The following ACSBG1 variants were observed in gnomAD, a reference collection of about 807,000 sequenced individuals.
ACSBG1 encodes acyl-CoA synthetase bubblegum family member 1.
ACSBG1 carries 39 observed loss-of-function variants against 80.2 expected under a neutral mutation model. The ratio of observed to expected loss-of-function variants is 0.49; its 90% CI spans 0.38 to 0.64. ACSBG1 has a LOEUF of 0.64. Ranked by LOEUF, ACSBG1 falls within the 30% of genes least tolerant of loss-of-function variation. ACSBG1 has a pLI of 0.00. For missense variants in ACSBG1, 828 were observed against 966.4 expected (o/e 0.86, Z 1.90); for synonymous variants, 392 against 379.5 (o/e 1.03, Z -0.38).
intron 5 of ACSBG1, among the ~76,000 whole-genome samples, chr15:78,183,646 G>A (rs1479916542): frequency 6.6e-6 from 1 of 152,194 alleles, no homozygotes; most frequent in Non-Finnish European, 1.5e-5. Context: ...CGGGAATAAA[G>A]GGAAGAAGAA....
At chr15:78,194,821 T>C (rs2075098261) in intron 2 of ACSBG1, 95 bp from the exon 3 acceptor site, 2 of 1,299,914 alleles carry the variant, frequency 1.5e-6, no homozygotes, top group African/African-American at 1.5e-5. Flanking sequence ...GTGCTGACAA[T>C]GCCTTGGGTC....
chr15:78,194,798 C>A, intron 2 of ACSBG1, 72 bp from the exon 3 acceptor site: 1 of 1,482,374 alleles, frequency 6.7e-7, no homozygotes, highest in South Asian at 1.2e-5. Context: ...GGGCAGAGCT[C>A]GCAGCCCGTC....
At chr15:78,231,181 C>A (rs936996317) in intron 1 of ACSBG1, among the ~76,000 whole-genome samples, 1 of 152,088 alleles carries the variant, frequency 6.6e-6, no homozygotes, top group Admixed American at 6.5e-5. Flanking sequence ...AGTGCAATGG[C>A]ACGATCTCAG....
intron 10 of ACSBG1, chr15:78,179,101 T>C (rs555430541): frequency 3.9e-6 from 2 of 508,618 alleles, no homozygotes; most frequent in African/African-American, 1.9e-5. Context: ...TATTTAATCA[T>C]AATAGATGAT....
chr15:78,234,287 C>A, intron 1 of ACSBG1, 84 bp downstream of exon 1: 1 of 1,528,800 alleles, frequency 6.5e-7, no homozygotes. Context: ...GAGAGAGAAG[C>A]AGCTTGCCCA....
At chr15:78,233,710 G>A (rs569727934) in intron 1 of ACSBG1, among the ~76,000 whole-genome samples, 29 of 152,180 alleles carry the variant, frequency 1.9e-4, no homozygotes, top group Non-Finnish European at 3.7e-4. Context: ...GTGCGCGTGC[G>A]CCTGCCTTCT....
At chr15:78,221,050 C>T (rs1334158232) in intron 1 of ACSBG1, among the ~76,000 whole-genome samples, 1 of 152,164 alleles carries the variant, frequency 6.6e-6, no homozygotes, top group Non-Finnish European at 1.5e-5. Context: ...TTAAAACAAC[C>T]CTGAAGGGGG....
intron 1 of ACSBG1, among the ~76,000 whole-genome samples, chr15:78,223,091 G>C (rs1005588939): frequency 2.6e-5 from 4 of 152,168 alleles, no homozygotes; most frequent in Admixed American, 2.6e-4. Context: ...TGGCTTCTAA[G>C]GCTAAGTCAA....
At chr15:78,213,648 C>A (rs1484302553) in intron 1 of ACSBG1, 3 of 152,248 alleles carry the variant, frequency 2.0e-5, no homozygotes, top group Admixed American at 2.0e-4. Flanking sequence ...TGGCACGGGA[C>A]CCAGTTGCCC....
Position 78,234,468 on chromosome 15 carries a change from G to A in ACSBG1, c.34C>T (p.Pro12Ser), listed in dbSNP as rs1423226430. ...TCCAGCATGCTGGGGTCCCCGTGTG[G>A]GCAGCCGTATCCAGCTCCAGAATTG... ...PRNSGAGYGC[P>S]HGDPSMLDSR... Residue 12 changes from proline (P) to serine (S), a missense_variant, in exon 1 of 14, where the codon CCA becomes TCA. Coordinates refer to ENST00000258873, the MANE Select transcript of ACSBG1 (RefSeq NM_015162.5). 1.2e-6 allele frequency: 2 copies of A among 1,612,420 alleles called. No homozygotes were observed. The highest frequency in any genetic ancestry group is 8.5e-7 in the Non-Finnish European group (1 of 1,180,008).
At chr15:78,218,018 A>G (rs966924474) in intron 1 of ACSBG1, among the ~76,000 whole-genome samples, 5 of 152,192 alleles carry the variant, frequency 3.3e-5, no homozygotes, top group African/African-American at 1.2e-4. Context: ...ACATAATTTC[A>G]GCCCAAAGCA....
intron 1 of ACSBG1, among the ~76,000 whole-genome samples, chr15:78,219,836 T>C (rs572563453): frequency 6.6e-6 from 1 of 152,154 alleles, no homozygotes; most frequent in South Asian, 2.1e-4. Flanking sequence ...TACAAAAAAT[T>C]AGCTGGGCGT....
chr15:78,226,085 A>G (rs181957724), intron 1 of ACSBG1, among the ~76,000 whole-genome samples: 23 of 152,366 alleles, frequency 1.5e-4, no homozygotes, highest in African/African-American at 5.5e-4. Flanking sequence ...TCAAAATGAA[A>G]GACACGGTAT....
chr15:78,226,128 T>C (rs1345465508), intron 1 of ACSBG1, among the ~76,000 whole-genome samples: 1 of 152,208 alleles, frequency 6.6e-6, no homozygotes, highest in African/African-American at 2.4e-5. Flanking sequence ...TGAAATCCCA[T>C]CACTTTTTGT....
intron 1 of ACSBG1, among the ~76,000 whole-genome samples, chr15:78,227,707 T>A (rs2075415517): frequency 6.6e-6 from 1 of 152,176 alleles, no homozygotes; most frequent in Non-Finnish European, 1.5e-5. Flanking sequence ...GCTTTACTCA[T>A]AAAATCCTCA....
At chr15:78,233,652 G>A (rs11634386) in intron 1 of ACSBG1, among the ~76,000 whole-genome samples, 30,305 of 152,104 alleles carry the variant, frequency 0.2, 3,143 homozygotes, top group Middle Eastern at 0.26. Context: ...CGCCCCTCCT[G>A]GACACAAATC....
intron 1 of ACSBG1, among the ~76,000 whole-genome samples, chr15:78,215,577 A>ACCTGGGAGGCAGAGGTT (rs1200198548): frequency 3.4e-4 from 51 of 151,918 alleles, no homozygotes; most frequent in Admixed American, 3.3e-3. Flanking sequence ...AATTGCTTGA[A>ACCTGGGAGGCAGAGGTT]CCTGGGAGGC....
chr15:78,211,948 G>C (rs1418346400), intron 1 of ACSBG1, among the ~76,000 whole-genome samples: 2 of 152,164 alleles, frequency 1.3e-5, no homozygotes, highest in East Asian at 1.9e-4. Flanking sequence ...CTCTGGCCAT[G>C]AGTACTTACT....
chr15:78,215,804 G>A (rs1413995768), intron 1 of ACSBG1, among the ~76,000 whole-genome samples: 1 of 150,636 alleles, frequency 6.6e-6, no homozygotes, highest in African/African-American at 2.4e-5. Context: ...AAGAGAGAAA[G>A]GAAGGATGGA....
Sources: gnomAD v4.1 joint callset for allele counts (sites outside exome capture counted in the v4.1 genomes callset) on GRCh38, gnomAD v4.1.1 for gene constraint, MANE v1.5 for transcripts, NCBI Gene and HGNC (gene_info 2026-07-23, HGNC 2026-07-21) for gene names.